The following SERPINA5 variants were observed in gnomAD, a reference collection of about 807,000 sequenced individuals.
SERPINA5 encodes the protein plasma serine protease inhibitor.
SERPINA5 carries 25 observed loss-of-function variants against 25.3 expected under a neutral mutation model. The observed-to-expected ratio is 0.99, with a 90% CI of 0.72 to 1.38. SERPINA5 has a LOEUF of 1.38. SERPINA5 is among the 40% of genes most tolerant of loss of function. The pLI, the probability that SERPINA5 is intolerant of heterozygous loss-of-function variation, is 0.00. For synonymous variants in SERPINA5, 234 were observed against 206.2 expected (o/e 1.14, Z -1.16); for missense variants, 599 against 509.5 (o/e 1.18, Z -1.69).
At position 94,592,231 on chromosome 14, in the gene SERPINA5, C is replaced by G; in HGVS notation, c.1213C>G (p.Arg405Gly). 1 of 1,612,880 alleles carries G rather than the reference C, an allele frequency of 6.2e-7. No homozygotes were observed. Among genetic ancestry groups the G allele is most frequent in the Non-Finnish European group, 8.5e-7 (1 of 1,179,180 alleles). Residue 405 changes from arginine (R) to glycine (G), a missense_variant, in exon 6 of 6, where the codon CGC becomes GGC. Physicochemically the swap from Arg to Gly is moderately radical, Grantham distance 125 (BLOSUM62 -2). Transcript: ENST00000329597. ...CATCCTCTTCCTTGGCAAAGTGAACCGCCCCTGAGGTGGGGCTTCTCCTGA... is the reference window on the plus strand; with the variant it reads ...CATCCTCTTCCTTGGCAAAGTGAACGGCCCCTGAGGTGGGGCTTCTCCTGA... ...NNILFLGKVN[R>G]P
chr14:94,591,082 C>T (rs112593373), intron 5 of SERPINA5, among the ~76,000 whole-genome samples, 186 bp downstream of exon 5: 5 of 148,426 alleles, frequency 3.4e-5, no homozygotes, highest in Non-Finnish European at 1.5e-5. Context: ...TTCCACTCCA[C>T]TCCACTCCAG....
intron 2 of SERPINA5, among the ~76,000 whole-genome samples, chr14:94,584,137 A>G (rs1444278217): frequency 6.6e-6 from 1 of 151,982 alleles, no homozygotes; most frequent in East Asian, 1.9e-4. Flanking sequence ...ACGAGGTATC[A>G]CTCCTCAGAG....
chr14:94,584,973 G>T (rs1023358061), intron 2 of SERPINA5, among the ~76,000 whole-genome samples: 2 of 152,166 alleles, frequency 1.3e-5, no homozygotes, highest in Admixed American at 6.5e-5. Context: ...GAGTGTCAGT[G>T]GGGGGAAGCC....
At chr14:94,583,387 G>A (rs141852265) in intron 2 of SERPINA5, among the ~76,000 whole-genome samples, 1 of 152,314 alleles carries the variant, frequency 6.6e-6, no homozygotes, top group East Asian at 1.9e-4. Context: ...GAACGGACAA[G>A]CTTTGCTGAT....
chr14:94,592,144 C>A lies in SERPINA5; in HGVS notation c.1126C>A (p.Arg376Ser). The change falls in exon 6 of 6, where the codon CGC becomes AGC. Residue 376 changes from arginine to serine, a missense_variant. Coordinates refer to ENST00000329597, the MANE Select transcript of SERPINA5 (RefSeq NM_000624.6). Reference protein sequence around the residue: ...TGTIFTFRSARLNSQRLVFNR... With the variant: ...TGTIFTFRSASLNSQRLVFNR... ...GACAATATTCACTTTCAGGTCGGCC[C>A]GCCTGAACTCTCAGAGGCTAGTGTT... is the stretch of plus-strand genomic sequence containing the variant. The A allele has an allele frequency of 1.9e-6, 3 of 1,614,116 alleles. No individual in the cohort carries two copies. The highest frequency in any genetic ancestry group is 1.7e-6 in the Non-Finnish European group (2 of 1,180,014).
At position 94,587,442 on chromosome 14, in the gene SERPINA5, T is replaced by A; in HGVS notation, c.80T>A (p.Met27Lys). The A allele has an allele frequency of 6.2e-7, 1 of 1,613,946 alleles. No homozygotes were observed. Among genetic ancestry groups the A allele is most frequent in the African/African-American group, 1.3e-5 (1 of 74,966 alleles). ...CTTCACCGCCACCACCCCCGGGAGATGAAGAAGAGAGTCGAGGACCTCCAT... is the reference window on the plus strand; with the variant it reads ...CTTCACCGCCACCACCCCCGGGAGAAGAAGAAGAGAGTCGAGGACCTCCAT... ...ASLHRHHPRE[M>K]KKRVEDLHVG... is the part of the protein sequence containing the mutation. The change falls in exon 3 of 6, where the codon ATG becomes AAG. Residue 27 changes from methionine to lysine, a missense_variant. Coordinates refer to ENST00000329597, the MANE Select transcript of SERPINA5 (RefSeq NM_000624.6).
intron 2 of SERPINA5, among the ~76,000 whole-genome samples, chr14:94,583,436 G>A (rs1456171674): frequency 6.6e-6 from 1 of 152,138 alleles, no homozygotes; most frequent in African/African-American, 2.4e-5. Flanking sequence ...TACTTCTTCT[G>A]GGAAGTTCTG....
At position 94,587,946 on chromosome 14, in the gene SERPINA5, C is replaced by T. The variant is rs555139768; in HGVS notation, c.584C>T (p.Ala195Val). The T allele has an allele frequency of 1.2e-5, 20 of 1,614,024 alleles. No individual in the cohort carries two copies. In the South Asian group the frequency reaches 1.3e-4, roughly 11 times the overall value. Residue 195 changes from alanine (A) to valine (V), a missense_variant, in exon 3 of 6, where the codon GCG (alanine) becomes GTG (valine). Physicochemically the swap from Ala to Val is moderately conservative, Grantham distance 64. Transcript: ENST00000329597. ...VDLLKNLDSN[A>V]VVIMVNYIFF... ...TTGCTTAAGAACCTCGATAGCAATG[C>T]GGTCGTGATCATGGTGAATTACATC... is the stretch of plus-strand genomic sequence containing the variant.
chr14:94,584,485 T>A (rs1379912531), intron 2 of SERPINA5, among the ~76,000 whole-genome samples: 1 of 151,970 alleles, frequency 6.6e-6, no homozygotes, highest in Non-Finnish European at 1.5e-5. Context: ...TCCAAACAGA[T>A]CCTGGGGGAG....
rs1885350106 is a variant in SERPINA5, at chr14:94,592,910, T to G, written c.*671T>G. The G allele has an allele frequency of 6.6e-6, 1 of 152,154 alleles. No homozygotes were observed. The highest frequency in any genetic ancestry group is 1.5e-5 in the Non-Finnish European group (1 of 68,026). 9.4% of individuals were successfully genotyped at this position (152,154 alleles called of 1,614,324 possible). ...AATACACTCAAGTGCCATTCATCCT[T>G]TAAGAAAAACATCTGGATATCAAGG... On this transcript the variant is annotated 3_prime_UTR_variant, in exon 6 of 6. Transcript: ENST00000329597.
chr14:94,591,316 T>C, intron 5 of SERPINA5, among the ~76,000 whole-genome samples: 1 of 138,708 alleles, frequency 7.2e-6, no homozygotes, highest in Non-Finnish European at 1.5e-5. Flanking sequence ...TCCACTCCAC[T>C]CTTCCATTCC....
intron 4 of SERPINA5, 194 bp from the exon 5 acceptor site, chr14:94,590,555 C>T: frequency 1.3e-6 from 1 of 798,490 alleles, no homozygotes; most frequent in Non-Finnish European, 1.9e-6. Flanking sequence ...CAGCCCACGT[C>T]CAAGTCCAGA....
rs1885336188 is a variant in SERPINA5, at chr14:94,592,410, T to C, written c.*171T>C. ...TGCTTCCACCCACACGACTGCAACA[T>C]ACAGGTGCCTTGGGGAAATGTGGAG... is the stretch of plus-strand genomic sequence containing the variant. On this transcript the variant is annotated 3_prime_UTR_variant, in exon 6 of 6. Transcript: ENST00000329597. 1.6e-6 allele frequency: 1 copy of C among 633,718 alleles called. No homozygotes were observed. The highest frequency in any genetic ancestry group is 3.1e-5 in the Admixed American group (1 of 31,848). 39.3% of individuals were successfully genotyped at this position (633,718 alleles called of 1,614,324 possible). A position where few individuals can be genotyped will look rare whatever the true frequency, so the allele number is the denominator to read the frequency against.
At position 94,582,803 on chromosome 14, in the gene SERPINA5, A is replaced by G. The variant is rs375514352; in HGVS notation, c.-18+1093A>G. 1.1e-4 allele frequency among the ~76,000 whole-genome samples: 17 copies of G among 152,360 alleles called. No homozygotes were observed. In the South Asian group the frequency reaches 2.7e-3, roughly 24 times the overall value. ...ATGACAAATGCATATATAAAGGCAC[A>G]TGTGTAATTGAAAGAGCTTTGAGAG... On this transcript the variant is annotated intron_variant, in intron 2 of 5. Transcript: ENST00000329597.
At chr14:94,583,959 G>A (rs1485153116) in intron 2 of SERPINA5, among the ~76,000 whole-genome samples, 1 of 152,156 alleles carries the variant, frequency 6.6e-6, no homozygotes, top group Non-Finnish European at 1.5e-5. Context: ...ACTAAGAAAC[G>A]TAAAACAAGC....
rs559074274 is a variant in SERPINA5, at chr14:94,592,092, G to T, written c.1074G>T (p.Ser358=). The change falls in exon 6 of 6, where the codon TCG becomes TCT. Residue 358 remains serine, a synonymous_variant. Coordinates refer to ENST00000329597, the MANE Select transcript of SERPINA5 (RefSeq NM_000624.6). Reference sequence around the variant, plus strand: ...AAGCTGTGGTGGAGGTGGACGAGTCGGGAACCAGAGCAGCGGCAGCCACGG... The same window carrying T: ...AAGCTGTGGTGGAGGTGGACGAGTCTGGAACCAGAGCAGCGGCAGCCACGG... ...VHKAVVEVDE[S]GTRAAAATGT... The T allele has an allele frequency of 6.2e-7, 1 of 1,613,792 alleles. No individual in the cohort carries two copies. The highest frequency in any genetic ancestry group is 1.3e-5 in the African/African-American group (1 of 74,930).
intron 2 of SERPINA5, chr14:94,582,083 C>T (rs766000150): frequency 3.3e-5 from 5 of 152,294 alleles, no homozygotes; most frequent in East Asian, 3.9e-4. Context: ...TATCGGCTTC[C>T]GTGAGATAAG....
chr14:94,587,627 A>T lies in SERPINA5; in HGVS notation c.265A>T (p.Met89Leu), dbSNP rs779862543. The T allele has an allele frequency of 2.9e-5, 47 of 1,614,012 alleles. No homozygotes were observed. In the Admixed American group the frequency reaches 7.7e-4, roughly 26 times the overall value. Residue 89 changes from methionine (M) to leucine (L), a missense_variant, in exon 3 of 6, where the codon ATG (methionine) becomes TTG (leucine). Transcript: ENST00000329597. Reference sequence around the variant, plus strand: ...CCTGGGGGCTGGGTCCAGCACAAAGATGCAGATCCTGGAGGGCCTGGGCCT... The same window carrying T: ...CCTGGGGGCTGGGTCCAGCACAAAGTTGCAGATCCTGGAGGGCCTGGGCCT... ...LSLGAGSSTK[M>L]QILEGLGLNL...
At chr14:94,585,764 CGTGTGTGTGTGTGTGTGTGTGT>C in intron 2 of SERPINA5, among the ~76,000 whole-genome samples, 1 of 145,868 alleles carries the variant, frequency 6.9e-6, no homozygotes, top group Admixed American at 6.9e-5. Flanking sequence ...CAGGCTCACA[CGTGTGTGTGTGTGTGTGTGTGT>C]GTGTGTGTGT....
Sources: allele counts gnomAD v4.1 joint callset (sites outside exome capture counted in the v4.1 genomes callset), GRCh38; gene constraint gnomAD v4.1.1; transcripts MANE v1.5; gene names NCBI Gene and HGNC (gene_info 2026-07-23, HGNC 2026-07-21).